The following CGGBP1 variants were observed in gnomAD, a reference collection of about 807,000 sequenced individuals.
CGGBP1 encodes the protein CGG triplet repeat binding protein 1.
In CGGBP1, 4 loss-of-function variants were observed where a neutral mutation model predicts 11.4. The observed-to-expected ratio is 0.35, with a 90% confidence interval of 0.17 to 0.80. CGGBP1 has a LOEUF of 0.80. CGGBP1 is among the 30% of genes least tolerant of loss of function. The pLI is 0.52. For synonymous variants in CGGBP1, 76 were observed against 74.1 expected (o/e 1.03, Z -0.13); for missense variants, 135 against 202.1 (o/e 0.67, Z 2.01).
intron 2 of CGGBP1, among the ~76,000 whole-genome samples, chr3:88,067,796 A>G (rs558372264): frequency 1.3e-5 from 2 of 152,230 alleles, no homozygotes; most frequent in South Asian, 4.1e-4. Flanking sequence ...GAAGGAATAG[A>G]CAGTAAGTAC....
chr3:88,137,570 A>T (rs1706874901), intron 2 of CGGBP1, among the ~76,000 whole-genome samples: 2 of 152,164 alleles, frequency 1.3e-5, no homozygotes, highest in Admixed American at 6.5e-5. Context: ...GATATTTATA[A>T]AACAAAATTG....
intron 2 of CGGBP1, chr3:88,128,697 TTAAG>T: frequency 1.4e-6 from 1 of 694,584 alleles, no homozygotes; most frequent in East Asian, 2.8e-5. Flanking sequence ...AAAATGCTAT[TTAAG>T]TAGTTAAATC....
chr3:88,147,379 G>A (rs906949918), intron 1 of CGGBP1, among the ~76,000 whole-genome samples: 4 of 152,184 alleles, frequency 2.6e-5, no homozygotes, highest in African/African-American at 9.7e-5. Flanking sequence ...AGATATCCAA[G>A]GGAAGAATAT....
At chr3:88,095,583 C>A (rs543927201) in intron 2 of CGGBP1, 4 of 521,090 alleles carry the variant, frequency 7.7e-6, no homozygotes, top group Non-Finnish European at 1.6e-5. Flanking sequence ...TAAATTGCCA[C>A]AGGAATCTGT....
intron 2 of CGGBP1, among the ~76,000 whole-genome samples, chr3:88,071,921 T>G (rs1035890362): frequency 6.6e-6 from 1 of 152,248 alleles, no homozygotes; most frequent in Non-Finnish European, 1.5e-5. Context: ...CAACAACTAT[T>G]AAATGCTCAT....
At chr3:88,066,772 A>T (rs530601840) in intron 2 of CGGBP1, among the ~76,000 whole-genome samples, 1 of 152,338 alleles carries the variant, frequency 6.6e-6, no homozygotes, top group East Asian at 1.9e-4. Flanking sequence ...AAATGTGCTA[A>T]ACTACACCTT....
intron 2 of CGGBP1, among the ~76,000 whole-genome samples, chr3:88,078,931 A>G (rs1707946932): frequency 6.6e-6 from 1 of 152,044 alleles, no homozygotes; most frequent in African/African-American, 2.4e-5. Flanking sequence ...TACAACTTTG[A>G]TGATAAAAAA....
chr3:88,125,862 C>T (rs1706069418), intron 2 of CGGBP1, among the ~76,000 whole-genome samples: 1 of 152,106 alleles, frequency 6.6e-6, no homozygotes, highest in African/African-American at 2.4e-5. Context: ...TGGTTCTTTT[C>T]CTAGAAATGA....
chr3:88,142,813 C>T (rs1707195294), intron 1 of CGGBP1: 1 of 152,126 alleles, frequency 6.6e-6, no homozygotes, highest in Non-Finnish European at 1.5e-5. Flanking sequence ...CACAAGAACA[C>T]AGTAAGAGAT....
intron 2 of CGGBP1, among the ~76,000 whole-genome samples, chr3:88,127,539 G>A (rs1466532011): frequency 6.6e-6 from 1 of 152,150 alleles, no homozygotes; most frequent in Non-Finnish European, 1.5e-5. Flanking sequence ...GAAGGCAAGG[G>A]TGACAGACTA....
At chr3:88,062,957 G>A (rs1379500264), upstream of CGGBP1, among the ~76,000 whole-genome samples, 1 of 152,180 alleles carries the variant, frequency 6.6e-6, no homozygotes, top group Non-Finnish European at 1.5e-5. Flanking sequence ...CAGTAAACTT[G>A]AGAGAAAATT....
chr3:88,112,559 TG>T (rs1705157057), intron 2 of CGGBP1, among the ~76,000 whole-genome samples: 2 of 151,940 alleles, frequency 1.3e-5, no homozygotes, highest in Non-Finnish European at 2.9e-5. Flanking sequence ...CTGTTATGAG[TG>T]GGATAATCAA....
At chr3:88,074,530 C>G (rs1576209115) in intron 2 of CGGBP1, among the ~76,000 whole-genome samples, 1 of 151,950 alleles carries the variant, frequency 6.6e-6, no homozygotes, top group East Asian at 1.9e-4. Context: ...TTAGTAGAGA[C>G]AGGATTTCAC....
chr3:88,092,478 T>A (rs1489953704), intron 2 of CGGBP1, among the ~76,000 whole-genome samples: 1 of 152,254 alleles, frequency 6.6e-6, no homozygotes, highest in East Asian at 1.9e-4. Context: ...AAAAATGTGC[T>A]GGGTGAGCTA....
At chr3:88,108,697 G>T (rs1200690958) in intron 2 of CGGBP1, among the ~76,000 whole-genome samples, 11 of 152,100 alleles carry the variant, frequency 7.2e-5, no homozygotes. Flanking sequence ...GTATCACAGT[G>T]CTTGTGTTCA....
intron 2 of CGGBP1, among the ~76,000 whole-genome samples, chr3:88,118,179 A>G (rs1293644607): frequency 6.6e-6 from 1 of 152,142 alleles, no homozygotes; most frequent in Non-Finnish European, 1.5e-5. Context: ...AAGCCAGTAT[A>G]TAAGTCGCAA....
At chr3:88,068,166 T>C (rs1576192024) in intron 2 of CGGBP1, among the ~76,000 whole-genome samples, 1 of 151,992 alleles carries the variant, frequency 6.6e-6, no homozygotes, top group East Asian at 1.9e-4. Context: ...CATTTGAATT[T>C]GATCATTGTG....
chr3:88,067,815 T>G (rs1275288091), intron 2 of CGGBP1, among the ~76,000 whole-genome samples: 1 of 151,854 alleles, frequency 6.6e-6, no homozygotes, highest in African/African-American at 2.4e-5. Context: ...ACAAATAACC[T>G]ATAAAGGAGA....
At chr3:88,079,072 G>A (rs1301949937) in intron 2 of CGGBP1, among the ~76,000 whole-genome samples, 9 of 152,030 alleles carry the variant, frequency 5.9e-5, no homozygotes, top group Non-Finnish European at 1.2e-4. Flanking sequence ...CAGTTATACC[G>A]TAAAAAATCA....
Sources: allele counts gnomAD v4.1 joint callset (sites outside exome capture counted in the v4.1 genomes callset), GRCh38; gene constraint gnomAD v4.1.1; transcripts MANE v1.5; gene names NCBI Gene and HGNC (gene_info 2026-07-23, HGNC 2026-07-21).